The following NR3C2 variants were observed in gnomAD, a reference collection of about 807,000 sequenced individuals.
NR3C2 encodes the protein mineralocorticoid receptor.
In NR3C2, 15 loss-of-function variants were observed where a neutral mutation model predicts 86.4. The ratio of observed to expected loss-of-function variants is 0.17; its 90% confidence interval spans 0.12 to 0.27. NR3C2 has a LOEUF of 0.27. Among genes scored for constraint, NR3C2 ranks in the 10% least tolerant of loss-of-function variants. NR3C2 has a pLI of 1.00. For missense variants in NR3C2, 960 were observed against 1,195.6 expected (o/e 0.80, Z 2.91); for synonymous variants, 458 against 450.5 (o/e 1.02, Z -0.21).
chr4:148,275,963 C>G (rs1434531953), intron 2 of NR3C2, among the ~76,000 whole-genome samples: 1 of 151,760 alleles, frequency 6.6e-6, no homozygotes, highest in Non-Finnish European at 1.5e-5. Context: ...ACATAAAATG[C>G]CATCATAATA....
chr4:148,380,557 C>T (rs1211438197), intron 2 of NR3C2, among the ~76,000 whole-genome samples: 1 of 152,194 alleles, frequency 6.6e-6, no homozygotes, highest in Non-Finnish European at 1.5e-5. Flanking sequence ...TTTACATTCC[C>T]ACCAGCAATG....
intron 2 of NR3C2, among the ~76,000 whole-genome samples, chr4:148,390,707 C>A (rs769248354): frequency 6.6e-6 from 1 of 152,060 alleles, no homozygotes; most frequent in Non-Finnish European, 1.5e-5. Flanking sequence ...TAAAATGAAC[C>A]CTTAATCTTA....
upstream of NR3C2, chr4:148,443,071 T>A: frequency 3.5e-5 from 24 of 679,126 alleles, no homozygotes; most frequent in Non-Finnish European, 4.4e-5. Context: ...CTTTCCACTG[T>A]CTCCAGAGTT....
chr4:148,136,397 G>A (rs1449745305), intron 6 of NR3C2, among the ~76,000 whole-genome samples: 2 of 151,810 alleles, frequency 1.3e-5, no homozygotes, highest in African/African-American at 4.8e-5. Flanking sequence ...AAAAGGAGAG[G>A]GGGAGAGACA....
At chr4:148,085,933 A>C (rs1231686823) in intron 8 of NR3C2, among the ~76,000 whole-genome samples, 1 of 152,210 alleles carries the variant, frequency 6.6e-6, no homozygotes, top group Non-Finnish European at 1.5e-5. Context: ...AACCAGGAAG[A>C]AGTCGAATGC....
intron 8 of NR3C2, among the ~76,000 whole-genome samples, chr4:148,111,409 C>G (rs1199268519): frequency 6.6e-6 from 1 of 152,182 alleles, no homozygotes; most frequent in East Asian, 1.9e-4. Context: ...TTTGGAAAAC[C>G]ATTTGGCAGT....
At chr4:148,243,885 G>A (rs1311361883) in intron 3 of NR3C2, among the ~76,000 whole-genome samples, 1 of 152,186 alleles carries the variant, frequency 6.6e-6, no homozygotes, top group Non-Finnish European at 1.5e-5. Context: ...CTGTATGATT[G>A]CTGCCATAAT....
At chr4:148,093,311 A>C (rs1039318615) in intron 8 of NR3C2, among the ~76,000 whole-genome samples, 4 of 152,196 alleles carry the variant, frequency 2.6e-5, no homozygotes, top group African/African-American at 9.6e-5. Flanking sequence ...CCTGCTCGCA[A>C]AGGAAGGCTT....
In NR3C2 at chr4:148,079,807, C is replaced by G. The variant is rs1730458395; in HGVS notation, c.*1537G>C. ...TTAAAAATCTAAAACCCCTCTATCT[C>G]CCGGTCTCCATGCCATTCAGACTGA... On this transcript the variant is annotated 3_prime_UTR_variant, in exon 9 of 9. Transcript: ENST00000358102. 6.6e-6 allele frequency: 1 copy of G among 152,364 alleles called. No homozygotes were observed. Among genetic ancestry groups the G allele is most frequent in the East Asian group, 1.9e-4 (1 of 5,208 alleles). 9.4% of individuals were successfully genotyped at this position (152,364 alleles called of 1,614,324 possible).
At chr4:148,083,346 C>T (rs1730666608) in intron 8 of NR3C2, among the ~76,000 whole-genome samples, 1 of 152,166 alleles carries the variant, frequency 6.6e-6, no homozygotes, top group Non-Finnish European at 1.5e-5. Flanking sequence ...ACAAAGCCTC[C>T]AGGCAGCGAT....
chr4:148,140,881 A>C (rs1733571793), intron 6 of NR3C2, among the ~76,000 whole-genome samples: 1 of 152,204 alleles, frequency 6.6e-6, no homozygotes, highest in Admixed American at 6.5e-5. Flanking sequence ...TACCCTGGCA[A>C]TTACCCAGCT....
chr4:148,301,363 T>C (rs563150118), intron 2 of NR3C2, among the ~76,000 whole-genome samples: 7 of 152,316 alleles, frequency 4.6e-5, no homozygotes, highest in East Asian at 1.9e-4. Flanking sequence ...CTTAAGATTA[T>C]GGGTAAAATG....
chr4:148,380,227 T>A (rs898182795), intron 2 of NR3C2, among the ~76,000 whole-genome samples: 6 of 152,348 alleles, frequency 3.9e-5, no homozygotes, highest in African/African-American at 1.4e-4. Context: ...TGGCCTCTTG[T>A]GCTTGGCTTC....
At chr4:148,145,868 T>A (rs1733845403) in intron 6 of NR3C2, among the ~76,000 whole-genome samples, 1 of 151,932 alleles carries the variant, frequency 6.6e-6, no homozygotes, top group Non-Finnish European at 1.5e-5. Flanking sequence ...GGAGGAGGTT[T>A]CTCAGTAGAA....
chr4:148,369,539 T>C (rs1050065534), intron 2 of NR3C2, among the ~76,000 whole-genome samples: 2 of 152,210 alleles, frequency 1.3e-5, no homozygotes, highest in African/African-American at 4.8e-5. Flanking sequence ...TGACAAACCT[T>C]AACTGCTAAG....
chr4:148,135,913 C>T (rs1452728499), intron 6 of NR3C2, among the ~76,000 whole-genome samples: 3 of 140,374 alleles, frequency 2.1e-5, no homozygotes, highest in Admixed American at 1.4e-4. Context: ...AAAAATTAGC[C>T]GGGCATAGTG....
intron 2 of NR3C2, among the ~76,000 whole-genome samples, chr4:148,410,063 G>A (rs886506160): frequency 4.6e-5 from 7 of 151,898 alleles, no homozygotes; most frequent in African/African-American, 7.2e-5. Context: ...TATTAAGTAC[G>A]TCACATAAAA....
intron 4 of NR3C2, among the ~76,000 whole-genome samples, chr4:148,159,631 G>A (rs1345355924): frequency 6.6e-6 from 1 of 152,192 alleles, no homozygotes; most frequent in Admixed American, 6.5e-5. Flanking sequence ...TCCAGCTAGG[G>A]CTCAGAGTTC....
intron 2 of NR3C2, among the ~76,000 whole-genome samples, chr4:148,293,868 A>C (rs916873627): frequency 9.2e-5 from 14 of 152,280 alleles, no homozygotes; most frequent in African/African-American, 3.4e-4. Flanking sequence ...CCCACCAGTG[A>C]CCTATGCATA....
Sources: allele counts gnomAD v4.1 joint callset (sites outside exome capture counted in the v4.1 genomes callset), GRCh38; gene constraint gnomAD v4.1.1; transcripts MANE v1.5; gene names NCBI Gene and HGNC (gene_info 2026-07-23, HGNC 2026-07-21).